The following ARHGEF40 variants were observed in gnomAD, a reference collection of about 807,000 sequenced individuals.
ARHGEF40 encodes Rho guanine nucleotide exchange factor 40, also known as Rho guanine nucleotide exchange factor (GEF) 40.
A neutral mutation model predicts 165.9 loss-of-function variants in ARHGEF40; 98 were observed. The ratio of observed to expected loss-of-function variants is 0.59; its 90% CI spans 0.50 to 0.70. The LOEUF (loss-of-function observed/expected upper bound fraction) is 0.70. Among genes scored for constraint, ARHGEF40 ranks in the 30% least tolerant of loss-of-function variants. The pLI, the probability that ARHGEF40 is intolerant of heterozygous loss-of-function variation, is 0.00. For missense variants in ARHGEF40, 1,815 were observed against 1,968.0 expected, an observed-to-expected ratio of 0.92 and a Z score of 1.47; for synonymous variants, 792 against 814.3, an observed-to-expected ratio of 0.97 and a Z score of 0.47.
Position 21,075,101 on chromosome 14 carries a change from G to T in ARHGEF40, c.1371G>T (p.Gln457His). 3.1e-6 allele frequency: 5 copies of T among 1,614,016 alleles called. No homozygotes were observed. The highest frequency in any genetic ancestry group is 4.2e-6 in the Non-Finnish European group (5 of 1,180,026). ...AAACAGCAGGCGAGAAAGAGCCTCA[G>T]CTCTCTGAAGCCTGTGGGCCTACAG... ...ELKTAGEKEP[Q>H]LSEACGPTEE... Residue 457 changes from glutamine (Q) to histidine (H), a missense_variant, in exon 3 of 24, where the codon CAG becomes CAT. Physicochemically the swap from Gln to His is conservative, Grantham distance 24. Coordinates refer to ENST00000298694, the MANE Select transcript of ARHGEF40 (RefSeq NM_018071.5). This position sits in a 1 kb window ranked among gnomAD's most constrained non-coding sequence, Gnocchi z 4.5.
Position 21,081,965 on chromosome 14 carries a change from A to G in ARHGEF40, c.3097A>G (p.Arg1033Gly), listed in dbSNP as rs776759520. 1.9e-6 allele frequency: 3 copies of G among 1,600,426 alleles called. 1 individual carries two copies. The highest frequency in any genetic ancestry group is 2.6e-6 in the Non-Finnish European group (3 of 1,173,542). Reference protein sequence around the residue: ...LAPEAEGRPPRAVLIRGLEVT... With the variant: ...LAPEAEGRPPGAVLIRGLEVT... Reference sequence around the variant, plus strand: ...TCCAGAAGCAGAGGGCAGGCCCCCAAGAGCTGTGCTGATCCGAGGCCTGGA... The same window carrying G: ...TCCAGAAGCAGAGGGCAGGCCCCCAGGAGCTGTGCTGATCCGAGGCCTGGA... The change falls in exon 14 of 24, where the codon AGA (arginine) becomes GGA (glycine). Residue 1033 changes from arginine to glycine, a missense_variant. Arg to Gly is a moderately radical substitution (Grantham distance 125). Transcript: ENST00000298694.
At chr14:21,083,813 C>T (rs773190193) in intron 16 of ARHGEF40, 22 bp from the exon 17 acceptor site, 1 of 1,606,060 alleles carries the variant, frequency 6.2e-7, no homozygotes, top group Non-Finnish European at 8.5e-7. Flanking sequence ...TCCCCTCATC[C>T]CTGTCTGTGT....
chr14:21,081,954 G>A lies in ARHGEF40; in HGVS notation c.3086G>A (p.Gly1029Asp), dbSNP rs760522704. Residue 1029 changes from glycine (G) to aspartate (D), a missense_variant, in exon 14 of 24, where the codon GGC becomes GAC. By Grantham distance (94) the Gly-to-Asp change is moderately conservative (BLOSUM62 -1). Transcript: ENST00000298694. The stretch of plus-strand genomic sequence containing the variant: ...CCTGAGCTGGCTCCAGAAGCAGAGG[G>A]CAGGCCCCCAAGAGCTGTGCTGATC... ...EGPELAPEAE[G>D]RPPRAVLIRG... The A allele has an allele frequency of 2.9e-5, 46 of 1,604,704 alleles. No homozygotes were observed. Among genetic ancestry groups the A allele is most frequent in the Non-Finnish European group, 3.7e-5 (43 of 1,175,834 alleles).
intron 1 of ARHGEF40, among the ~76,000 whole-genome samples, chr14:21,071,355 C>T (rs1227639847): frequency 6.6e-6 from 1 of 152,064 alleles, no homozygotes; most frequent in African/African-American, 2.4e-5. Context: ...CAAGGGGCCG[C>T]TCGCTGCAGA....
intron 8 of ARHGEF40, among the ~76,000 whole-genome samples, chr14:21,077,127 G>A (rs1209904437): frequency 2.0e-5 from 3 of 151,936 alleles, no homozygotes; most frequent in Admixed American, 6.6e-5. Flanking sequence ...ATTATTTTTA[G>A]ACAGTCTCAC....
upstream of ARHGEF40, among the ~76,000 whole-genome samples, chr14:21,068,555 A>G (rs1042042804): frequency 6.6e-6 from 1 of 152,008 alleles, no homozygotes; most frequent in Non-Finnish European, 1.5e-5. Context: ...CAGGTGAATA[A>G]GGTTTTTTAA....
intron 5 of ARHGEF40, among the ~76,000 whole-genome samples, chr14:21,076,147 C>T (rs776767359): frequency 2.4e-4 from 36 of 152,314 alleles, no homozygotes; most frequent in East Asian, 2.1e-3. Context: ...ACCTAGTAGC[C>T]ATATGAATAT....
Position 21,075,306 on chromosome 14 carries a change from C to A in ARHGEF40, c.1451-26C>A. On this transcript the variant is annotated intron_variant, in intron 3 of 23. Coordinates refer to ENST00000298694, the MANE Select transcript of ARHGEF40 (RefSeq NM_018071.5). The surrounding 1 kb of genome is among the most constrained non-coding windows in gnomAD (Gnocchi z 4.5). Reference sequence around the variant, plus strand: ...AACCAGAACCATCTTAACTTCAGTCCCATGTTTCTGTCTGTGTCTGTGCAG... The same window carrying A: ...AACCAGAACCATCTTAACTTCAGTCACATGTTTCTGTCTGTGTCTGTGCAG... 2 of 1,612,646 alleles carry A rather than the reference C, an allele frequency of 1.2e-6. No homozygotes were observed. The highest frequency in any genetic ancestry group is 1.7e-6 in the Non-Finnish European group (2 of 1,179,510).
At chr14:21,088,753 G>A (rs1888588689) in intron 22 of ARHGEF40, 77 bp from the exon 23 acceptor site, 3 of 1,462,882 alleles carry the variant, frequency 2.1e-6, no homozygotes, top group Non-Finnish European at 2.8e-6. Flanking sequence ...TGACAGGCTT[G>A]TGGGGAGGAA....
upstream of ARHGEF40, among the ~76,000 whole-genome samples, chr14:21,067,985 T>TCTCCATGAAAAAAAAAATGATCCACTCCC (rs1566514089): frequency 6.1e-3 from 26 of 4,286 alleles, 3 homozygotes; most frequent in African/African-American, 0.028. Context: ...CTCCCCTTTT[T>TCTCCATGAAAAAAAAAATGATCCACTCCC]TTTTTTTTTT....
rs550478396 is a variant in ARHGEF40 at position 21,080,854 on chromosome 14, C to T, written c.2497-19C>T. ...CCTAGGAGTGAGGACCAGGTCTGAG[C>T]GCAGCCTCCCTTCTCCAGGAGCGCC... On this transcript the variant is annotated intron_variant, in intron 12 of 23. Transcript: ENST00000298694. The T allele has an allele frequency of 3.2e-5, 52 of 1,611,014 alleles. No individual in the cohort carries two copies. Among genetic ancestry groups the T allele is most frequent in the South Asian group, 1.8e-4 (16 of 90,642 alleles).
Position 21,085,844 on chromosome 14 carries a change from G to A in ARHGEF40, c.4116G>A (p.Trp1372Ter). ...CAAGTTCTATTGCCCAGCTGCTGTGGAGACAGGCAGCCCACAACAAGGGTA... is the reference window on the plus strand; with the variant it reads ...CAAGTTCTATTGCCCAGCTGCTGTGAAGACAGGCAGCCCACAACAAGGGTA... ...KWTSSIAQLLWRQAAHNKELR... is the reference protein window; with the variant it reads ...KWTSSIAQLL Residue 1372 changes from tryptophan to a stop codon, truncating the protein, a stop_gained, in exon 19 of 24, where the codon TGG (tryptophan) becomes TGA (stop). Transcript: ENST00000298694. LOFTEE classifies it high-confidence loss of function. 1 of 1,614,042 alleles carries A rather than the reference G, an allele frequency of 6.2e-7. No individual in the cohort carries two copies. The highest frequency in any genetic ancestry group is 8.5e-7 in the Non-Finnish European group (1 of 1,180,028).
rs370251299 is a variant in ARHGEF40, at chr14:21,073,580, G to A, written c.201+338G>A. ...AATTTCTCAAGACACTAACTCCCCCGTACATTAGTCAACAGAGATCATTCA... is the reference window on the plus strand; with the variant it reads ...AATTTCTCAAGACACTAACTCCCCCATACATTAGTCAACAGAGATCATTCA... On this transcript the variant is annotated intron_variant, in intron 2 of 23. Transcript: ENST00000298694. This position sits in a 1 kb window ranked among gnomAD's most constrained non-coding sequence, Gnocchi z 4.6. 1.8e-4 allele frequency among the ~76,000 whole-genome samples: 28 copies of A among 151,722 alleles called. No homozygotes were observed. In the South Asian group the frequency reaches 4.8e-3, roughly 26 times the overall value.
rs1290672929 is a variant in ARHGEF40 at position 21,087,075 on chromosome 14, C to A, written c.4213C>A (p.Arg1405=). 65 of 1,607,808 alleles carry A rather than the reference C, an allele frequency of 4.0e-5. No homozygotes were observed. The highest frequency in any genetic ancestry group is 5.4e-5 in the Non-Finnish European group (63 of 1,177,000). The part of the protein sequence containing the change: ...PFLDIKALGE[R]TLSALLTGRA... Reference sequence around the variant, plus strand: ...CCTGGACATCAAAGCCCTTGGGGAGCGGACGCTGAGTGCCCTGCTCACTGG... The same window carrying A: ...CCTGGACATCAAAGCCCTTGGGGAGAGGACGCTGAGTGCCCTGCTCACTGG... The change falls in exon 20 of 24, where the codon CGG becomes AGG. Residue 1405 remains arginine, a synonymous_variant. Transcript: ENST00000298694.
At position 21,082,348 on chromosome 14, in the gene ARHGEF40, T is replaced by A; in HGVS notation, c.3356T>A (p.Leu1119His). 6.2e-7 allele frequency: 1 copy of A among 1,612,270 alleles called. No homozygotes were observed. Among genetic ancestry groups the A allele is most frequent in the Non-Finnish European group, 8.5e-7 (1 of 1,179,850 alleles). ...CCTGGGCCTGAGCTGACGCCTGAAC[T>A]TCGGGGCACCTGGGCTGCTGCCCTG... ...PPPGPELTPE[L>H]RGTWAAALSA... The change falls in exon 15 of 24, where the codon CTT (leucine) becomes CAT (histidine). Residue 1119 changes from leucine to histidine, a missense_variant. Physicochemically the swap from Leu to His is moderately conservative, Grantham distance 99. Coordinates refer to ENST00000298694, the MANE Select transcript of ARHGEF40 (RefSeq NM_018071.5).
chr14:21,087,648 T>A, intron 21 of ARHGEF40, 185 bp downstream of exon 21: 1 of 856,518 alleles, frequency 1.2e-6, no homozygotes, highest in Non-Finnish European at 1.8e-6. Flanking sequence ...CAACAGCCTG[T>A]TGCTAAGAAG....
In ARHGEF40 at chr14:21,087,993, A is replaced by G; in HGVS notation, c.4413A>G (p.Gly1471=). The G allele has an allele frequency of 6.2e-7, 1 of 1,613,964 alleles. No individual in the cohort carries two copies. Among genetic ancestry groups the G allele is most frequent in the Non-Finnish European group, 8.5e-7 (1 of 1,179,996 alleles). ...CCCCAGAAACACTTGACTCTTCTGG[A>G]GATGTGTCCCCAGGACCAAGAAACA... ...SLAPETLDSS[G]DVSPGPRNSP... The change falls in exon 22 of 24, where the codon GGA becomes GGG. Residue 1471 remains glycine, a synonymous_variant. Transcript: ENST00000298694.
chr14:21,073,107 G>T lies in ARHGEF40; in HGVS notation c.66G>T (p.Glu22Asp), dbSNP rs1363170505. ...TCGCCGCCCTGTATCCACCCTTTGA[G>T]GCAACAGCCCCCACCCTGTTGGGCC... ...STLAALYPPF[E>D]ATAPTLLGQV... The change falls in exon 2 of 24, where the codon GAG becomes GAT. Residue 22 changes from glutamate to aspartate, a missense_variant. Transcript: ENST00000298694. The surrounding 1 kb of genome is among the most constrained non-coding windows in gnomAD (Gnocchi z 4.6). The T allele has an allele frequency of 1.2e-6, 2 of 1,613,998 alleles. No individual in the cohort carries two copies. Among genetic ancestry groups the T allele is most frequent in the African/African-American group, 2.7e-5 (2 of 74,894 alleles).
At chr14:21,077,798 C>T (rs1018565351) in intron 8 of ARHGEF40, among the ~76,000 whole-genome samples, 4 of 152,154 alleles carry the variant, frequency 2.6e-5, no homozygotes, top group African/African-American at 9.7e-5. Flanking sequence ...CTCTAAGCTT[C>T]GCCTTTAGTG....
Sources: gnomAD v4.1 joint callset for allele counts (sites outside exome capture counted in the v4.1 genomes callset) on GRCh38, gnomAD v4.1.1 for gene constraint, Gnocchi (gnomAD v3.1) non-coding constraint, MANE v1.5 for transcripts, NCBI Gene and HGNC (gene_info 2026-07-23, HGNC 2026-07-21) for gene names.